Variants in ZNF708 observed in about 807,000 individuals in gnomAD.
The protein encoded by ZNF708 is ZNF15, ZNF15L1.
In ZNF708, 44 loss-of-function variants were observed where a neutral mutation model predicts 47.0. That is an observed-to-expected ratio of 0.94 (90% CI 0.74 to 1.20). The LOEUF is 1.20. Among genes scored for constraint, ZNF708 ranks in the 50% most tolerant of loss-of-function variants. ZNF708 has a pLI of 0.00. For missense variants in ZNF708, 557 were observed against 656.0 expected (o/e 0.85, Z 1.65); for synonymous variants, 184 against 218.5 (o/e 0.84, Z 1.39).
rs374581176 is a variant in ZNF708, at chr19:21,309,102, C to T, written c.226+144G>A. ...GAATTTAAAAGCATAAGACAGAAGA[C>T]GCCCCTATATTAAAGTTAAAAAAAC... On this transcript the variant is annotated intron_variant, in intron 3 of 3. Transcript: ENST00000356929. 2.2e-3 allele frequency: 1,434 copies of T among 650,776 alleles called. 14 individuals carry two copies. The highest frequency in any genetic ancestry group is 0.014 in the South Asian group (639 of 45,546). 40.3% of individuals were successfully genotyped at this position (650,776 alleles called of 1,614,324 possible). A position where few individuals can be genotyped will look rare whatever the true frequency, so the allele number is the denominator to read the frequency against.
chr19:21,307,087 T>C (rs1467410267), intron 3 of ZNF708: 19 of 103,938 alleles, frequency 1.8e-4, no homozygotes, highest in African/African-American at 3.4e-4. Context: ...AAATAAAATA[T>C]AAAATACAAA....
intron 1 of ZNF708, among the ~76,000 whole-genome samples, chr19:21,327,252 G>A (rs908601204): frequency 6.6e-6 from 1 of 151,990 alleles, no homozygotes; most frequent in African/African-American, 2.4e-5. Context: ...TGTCTAGACC[G>A]GGCGCGGTGG....
At chr19:21,301,840 G>A (rs552800) in intron 3 of ZNF708, among the ~76,000 whole-genome samples, 120,302 of 151,812 alleles carry the variant, frequency 0.79, 47,931 homozygotes, top group Middle Eastern at 0.91. Flanking sequence ...ATGTTGATGT[G>A]ATAAAAAAAT....
At chr19:21,308,411 C>T (rs749738859) in intron 3 of ZNF708, among the ~76,000 whole-genome samples, 1 of 151,928 alleles carries the variant, frequency 6.6e-6, no homozygotes, top group South Asian at 2.1e-4. Flanking sequence ...TCCAGAGTAG[C>T]TGGGATTACA....
At chr19:21,313,002 T>C (rs627522) in intron 1 of ZNF708, among the ~76,000 whole-genome samples, 118,152 of 151,824 alleles carry the variant, frequency 0.78, 46,132 homozygotes, top group Middle Eastern at 0.89. Flanking sequence ...CTCAAGGGTA[T>C]GCTACAGGCT....
intron 3 of ZNF708, among the ~76,000 whole-genome samples, chr19:21,303,220 C>T (rs986645207): frequency 6.6e-6 from 1 of 152,082 alleles, no homozygotes; most frequent in African/African-American, 2.4e-5. Flanking sequence ...CCACTGAAAA[C>T]CAGGCTGATT....
intron 1 of ZNF708, among the ~76,000 whole-genome samples, chr19:21,312,338 G>A (rs575380089): frequency 1.3e-5 from 2 of 151,688 alleles, no homozygotes; most frequent in African/African-American, 2.4e-5. Flanking sequence ...TAGCATGCAC[G>A]TGTAATCCCA....
At chr19:21,300,145 A>C (rs1762580) in intron 3 of ZNF708, among the ~76,000 whole-genome samples, 31,894 of 151,384 alleles carry the variant, frequency 0.21, 3,475 homozygotes, top group Non-Finnish European at 0.24. Context: ...CTCTACTAAA[A>C]ATACAAAATT....
rs1184574146 is a variant in ZNF708, at chr19:21,293,708, AG to A, written c.1257del (p.Tyr420ThrfsTer21). The A allele has an allele frequency of 1.9e-6, 3 of 1,613,270 alleles. No individual in the cohort carries two copies. The highest frequency in any genetic ancestry group is 2.2e-5 in the East Asian group (1 of 44,830). ...GCTTTACCACATTCTTCACATTTGT[AG>A]GGTTTCTTTCCAGTATGAATTACCT... Reference protein sequence around the residue: ...YHKVIHTGKKPYKCEECGKAF... With the variant: ...YHKVIHTGKKXYKCEECGKAF... On this transcript the variant is annotated frameshift_variant, in exon 4 of 4. Transcript: ENST00000356929. LOFTEE classifies it high-confidence loss of function.
intron 3 of ZNF708, among the ~76,000 whole-genome samples, chr19:21,299,865 T>A (rs1972618930): frequency 1.3e-5 from 2 of 152,226 alleles, no homozygotes; most frequent in East Asian, 3.9e-4. Flanking sequence ...AAAGTTATCA[T>A]AGTTTTAAAA....
chr19:21,314,659 A>G (rs1388079790), intron 1 of ZNF708, among the ~76,000 whole-genome samples: 1 of 152,212 alleles, frequency 6.6e-6, no homozygotes, highest in Non-Finnish European at 1.5e-5. Flanking sequence ...AATTATAGCA[A>G]TCAGTTTATC....
chr19:21,296,761 CATT>C (rs145275435), intron 3 of ZNF708, among the ~76,000 whole-genome samples: 32,141 of 151,686 alleles, frequency 0.21, 3,512 homozygotes, highest in Non-Finnish European at 0.24. Context: ...ATGCAGAAAA[CATT>C]ATTAATTTTT....
chr19:21,323,966 G>A (rs1040048284), intron 1 of ZNF708, among the ~76,000 whole-genome samples: 6 of 152,182 alleles, frequency 3.9e-5, no homozygotes, highest in Non-Finnish European at 7.3e-5. Context: ...TTAGCCGGGC[G>A]CAGTGGCTCA....
chr19:21,307,714 A>G (rs1158990642), intron 3 of ZNF708, among the ~76,000 whole-genome samples: 1 of 152,224 alleles, frequency 6.6e-6, no homozygotes, highest in African/African-American at 2.4e-5. Context: ...ACAGACACCA[A>G]TGCCAAACTA....
Position 21,307,092 on chromosome 19 carries a change from T to C in ZNF708, c.226+2154A>G, listed in dbSNP as rs1332046697. ...ATATAAAATAAAATAAAATATAAAATACAAAATAAAATAAAATAAAATAAA... is the reference window on the plus strand; with the variant it reads ...ATATAAAATAAAATAAAATATAAAACACAAAATAAAATAAAATAAAATAAA... On this transcript the variant is annotated intron_variant, in intron 3 of 3. Coordinates refer to ENST00000356929, the MANE Select transcript of ZNF708 (RefSeq NM_021269.3). Among the ~76,000 whole-genome samples the C allele has an allele frequency of 1.1e-4, 11 of 103,646 alleles. No homozygotes were observed. In the South Asian group the frequency reaches 2.9e-3, roughly 28 times the overall value. The allele number at this position is 103,646 out of a possible 152,430, so 68.0% of individuals were successfully genotyped here. A position where few individuals can be genotyped will look rare whatever the true frequency, so the allele number is the denominator to read the frequency against.
At chr19:21,308,222 A>G (rs1366578200) in intron 3 of ZNF708, among the ~76,000 whole-genome samples, 1 of 151,692 alleles carries the variant, frequency 6.6e-6, no homozygotes, top group Non-Finnish European at 1.5e-5. Flanking sequence ...TTCTAGTGGC[A>G]TTTTTTTCAT....
chr19:21,293,577 A>C lies in ZNF708; in HGVS notation c.1389T>G (p.Phe463Leu). 1 of 1,613,036 alleles carries C rather than the reference A, an allele frequency of 6.2e-7. No homozygotes were observed. ...CAGTATGAATTTTTTTATGATTAGT[A>C]AAATTTGAGGAGTAGTTAAAAGTTT... is the stretch of plus-strand genomic sequence containing the variant. Reference protein sequence around the residue: ...CGKTFNYSSNFTNHKKIHTGE... With the variant: ...CGKTFNYSSNLTNHKKIHTGE... Residue 463 changes from phenylalanine to leucine, a missense_variant, in exon 4 of 4, where the codon TTT (phenylalanine) becomes TTG (leucine). Coordinates refer to ENST00000356929, the MANE Select transcript of ZNF708 (RefSeq NM_021269.3).
At position 21,316,068 on chromosome 19, in the gene ZNF708, C is replaced by CAA. The variant is rs71176850; in HGVS notation, c.4-5443_4-5442dup. Among the ~76,000 whole-genome samples the CAA allele has an allele frequency of 3.5e-3, 491 of 138,830 alleles. 1 individual carries two copies. The highest frequency in any genetic ancestry group is 0.013 in the South Asian group (58 of 4,522). 91.1% of individuals were successfully genotyped at this position (138,830 alleles called of 152,430 possible). A position where few individuals can be genotyped will look rare whatever the true frequency, so the allele number is the denominator to read the frequency against. On this transcript the variant is annotated intron_variant, in intron 1 of 3. Coordinates refer to ENST00000356929, the MANE Select transcript of ZNF708 (RefSeq NM_021269.3). Reference sequence around the variant, plus strand: ...TGGACAACAAGAGTGAAACCTGTCTCAAAAAAAAAAAAACCTTTTATATAG... The same window carrying CAA: ...TGGACAACAAGAGTGAAACCTGTCTCAAAAAAAAAAAAAAACCTTTTATATAG...
At position 21,309,230 on chromosome 19, in the gene ZNF708, G is replaced by A. The variant is rs2928193; in HGVS notation, c.226+16C>T. On this transcript the variant is annotated intron_variant, in intron 3 of 3. Transcript: ENST00000356929. ...ACCTCACATCTGTGTCATCTGTTGTGTTCACTCTCACCTACCTGGGGGTTT... is the reference window on the plus strand; with the variant it reads ...ACCTCACATCTGTGTCATCTGTTGTATTCACTCTCACCTACCTGGGGGTTT... The A allele has an allele frequency of 1.1e-5, 18 of 1,581,592 alleles. No individual in the cohort carries two copies. In the African/African-American group the frequency reaches 2.0e-4, roughly 18 times the overall value.
Sources: gnomAD v4.1 joint callset for allele counts (sites outside exome capture counted in the v4.1 genomes callset) on GRCh38, gnomAD v4.1.1 for gene constraint, MANE v1.5 for transcripts, NCBI Gene and HGNC (gene_info 2026-07-23, HGNC 2026-07-21) for gene names.